Variants in TMTC3 observed in about 807,000 individuals in gnomAD.
TMTC3 encodes the protein protein O-mannosyl-transferase TMTC3.
Under a neutral mutation model 92.2 loss-of-function variants are expected in TMTC3, and 52 were observed. That is an observed-to-expected ratio of 0.56 (90% CI 0.45 to 0.71). The LOEUF is 0.71. TMTC3 is among the 30% of genes least tolerant of loss of function. The pLI is 0.00. For synonymous variants in TMTC3, 339 were observed against 363.3 expected (o/e 0.93, Z 0.76); for missense variants, 896 against 1,057.1 (o/e 0.85, Z 2.11).
At chr12:88,154,110 A>G (rs1196445095) in intron 3 of TMTC3, among the ~76,000 whole-genome samples, 178 bp from the exon 4 acceptor site, 1 of 152,124 alleles carries the variant, frequency 6.6e-6, no homozygotes, top group Non-Finnish European at 1.5e-5. Flanking sequence ...AAGAGTCACT[A>G]ATAAATGTCT....
rs961777159 is a variant in TMTC3, at chr12:88,199,606, A to AGAT, written c.*3958_*3960dup. On this transcript the variant is annotated 3_prime_UTR_variant, in exon 14 of 14. Coordinates refer to ENST00000266712, the MANE Select transcript of TMTC3 (RefSeq NM_181783.4). The stretch of plus-strand genomic sequence containing the variant: ...TTGCTATCTATGCTAACAAGTACAT[A>AGAT]GATAGCCTAAGATAAATTATACTTA... 1 of 152,190 alleles carries AGAT rather than the reference A, an allele frequency of 6.6e-6. No individual in the cohort carries two copies. The highest frequency in any genetic ancestry group is 2.4e-5 in the African/African-American group (1 of 41,462). 9.4% of individuals were successfully genotyped at this position (152,190 alleles called of 1,614,324 possible).
intron 7 of TMTC3, among the ~76,000 whole-genome samples, chr12:88,169,450 C>A (rs1246803336): frequency 2.0e-5 from 3 of 152,032 alleles, no homozygotes; most frequent in African/African-American, 7.2e-5. Context: ...CAGCTGTGGC[C>A]TTAAGCATAA....
chr12:88,194,114 C>T (rs931202360), intron 13 of TMTC3, among the ~76,000 whole-genome samples: 1 of 151,898 alleles, frequency 6.6e-6, no homozygotes, highest in Non-Finnish European at 1.5e-5. Flanking sequence ...CCCAGCTACT[C>T]GGGAAGCCAA....
intron 10 of TMTC3, among the ~76,000 whole-genome samples, chr12:88,177,787 T>A (rs894514666): frequency 6.6e-6 from 1 of 152,188 alleles, no homozygotes; most frequent in African/African-American, 2.4e-5. Context: ...ACTGTTGTTT[T>A]TTTCTAGTAA....
chr12:88,172,799 A>C (rs2041220112), intron 8 of TMTC3, 54 bp downstream of exon 8: 2 of 1,554,532 alleles, frequency 1.3e-6, no homozygotes, highest in Admixed American at 4.1e-5. Flanking sequence ...AGTGTGACAC[A>C]TTTTAAAATT....
chr12:88,193,494 T>TA (rs1280554864), intron 13 of TMTC3, among the ~76,000 whole-genome samples: 1 of 152,118 alleles, frequency 6.6e-6, no homozygotes, highest in Non-Finnish European at 1.5e-5. Context: ...ATTTCTTAGA[T>TA]ACATTTCGTA....
intron 8 of TMTC3, 80 bp from the exon 9 acceptor site, chr12:88,174,527 T>G (rs2041238803): frequency 6.8e-7 from 1 of 1,474,222 alleles, no homozygotes; most frequent in Non-Finnish European, 9.1e-7. Context: ...TTAAGATACT[T>G]CTTACCTCTG....
chr12:88,188,241 C>G (rs1018331820), intron 10 of TMTC3, among the ~76,000 whole-genome samples: 3 of 152,094 alleles, frequency 2.0e-5, no homozygotes, highest in Non-Finnish European at 4.4e-5. Context: ...TTTTTTCAGT[C>G]TCTTTGCCCC....
intron 2 of TMTC3, among the ~76,000 whole-genome samples, chr12:88,149,292 AC>A (rs1398168552): frequency 1.8e-4 from 27 of 152,094 alleles, no homozygotes; most frequent in African/African-American, 6.5e-4. Flanking sequence ...TTGGGATTAA[AC>A]CCTTATCAGC....
At chr12:88,188,679 C>T (rs981325721) in intron 10 of TMTC3, among the ~76,000 whole-genome samples, 164 bp from the exon 11 acceptor site, 5 of 152,156 alleles carry the variant, frequency 3.3e-5, no homozygotes, top group African/African-American at 1.2e-4. Context: ...GGACCTGTTG[C>T]CTGCTTTTGC....
At chr12:88,156,002 C>T (rs1006597826) in intron 4 of TMTC3, among the ~76,000 whole-genome samples, 76 of 151,898 alleles carry the variant, frequency 5.0e-4, no homozygotes, top group Admixed American at 4.2e-3. Flanking sequence ...CCCACCTACC[C>T]GGAAGAATGA....
intron 6 of TMTC3, 25 bp from the exon 7 acceptor site, chr12:88,166,305 A>T: frequency 1.3e-6 from 2 of 1,582,974 alleles, no homozygotes; most frequent in Non-Finnish European, 1.7e-6. Flanking sequence ...TTTATTTGTA[A>T]TCTTTTTTTT....
intron 7 of TMTC3, among the ~76,000 whole-genome samples, chr12:88,170,798 T>A (rs2041196462): frequency 1.3e-5 from 2 of 152,164 alleles, no homozygotes; most frequent in African/African-American, 4.8e-5. Context: ...AGAAACAGAT[T>A]TCCTAATAAC....
chr12:88,148,585 C>A, intron 2 of TMTC3, 81 bp downstream of exon 2: 3 of 1,019,626 alleles, frequency 2.9e-6, no homozygotes, highest in Non-Finnish European at 2.8e-6. Flanking sequence ...AATTCTTTAT[C>A]AACATTATCA....
intron 7 of TMTC3, among the ~76,000 whole-genome samples, chr12:88,168,709 A>G (rs2138399016): frequency 6.6e-6 from 1 of 152,316 alleles, no homozygotes; most frequent in South Asian, 2.1e-4. Flanking sequence ...ATACTATGGC[A>G]ACAAAATCTT....
chr12:88,150,793 G>A (rs927602755), intron 2 of TMTC3, among the ~76,000 whole-genome samples: 2 of 151,960 alleles, frequency 1.3e-5, no homozygotes, highest in Non-Finnish European at 2.9e-5. Flanking sequence ...TAGAAGATAC[G>A]TGTCCACACG....
At chr12:88,189,089 A>G in intron 11 of TMTC3, 143 bp downstream of exon 11, 1 of 567,934 alleles carries the variant, frequency 1.8e-6, no homozygotes. Flanking sequence ...TTTCTAGCTT[A>G]CTTAATTTTT....
chr12:88,176,127 T>A (rs1246561781), intron 9 of TMTC3, 81 bp from the exon 10 acceptor site: 1 of 904,234 alleles, frequency 1.1e-6, no homozygotes, highest in Non-Finnish European at 1.7e-6. Flanking sequence ...ATTTTCTTAA[T>A]AGTATACCAA....
intron 6 of TMTC3, among the ~76,000 whole-genome samples, chr12:88,164,857 A>AT (rs148554326): frequency 1.0e-3 from 157 of 151,182 alleles, no homozygotes; most frequent in African/African-American, 3.5e-3. Flanking sequence ...CCTCCCTAGC[A>AT]TTTTTTTTTC....
Sources: gnomAD v4.1 joint callset for allele counts (sites outside exome capture counted in the v4.1 genomes callset) on GRCh38, gnomAD v4.1.1 for gene constraint, MANE v1.5 for transcripts, NCBI Gene and HGNC (gene_info 2026-07-23, HGNC 2026-07-21) for gene names.